ADAM32: variants seen among roughly 807,000 people sequenced by gnomAD.
The protein encoded by ADAM32 is ADAM metallopeptidase domain 32.
Under a neutral mutation model 114.9 loss-of-function variants are expected in ADAM32, and 89 were observed. The observed-to-expected ratio is 0.77, with a 90% CI of 0.65 to 0.92. The LOEUF (loss-of-function observed/expected upper bound fraction) is 0.92, where lower values mean the gene tolerates loss of function less well. Among genes scored for constraint, ADAM32 ranks in the 40% least tolerant of loss-of-function variants. The pLI is 0.00. For missense variants in ADAM32, 870 were observed against 932.8 expected (o/e 0.93, Z 0.88); for synonymous variants, 285 against 307.5 (o/e 0.93, Z 0.77).
At chr8:39,222,737 TA>T (rs1809065226) in intron 13 of ADAM32, among the ~76,000 whole-genome samples, 1 of 152,044 alleles carries the variant, frequency 6.6e-6, no homozygotes, top group Non-Finnish European at 1.5e-5. Flanking sequence ...CCAAAAGAAA[TA>T]AATTTCCTAA....
intron 11 of ADAM32, among the ~76,000 whole-genome samples, chr8:39,210,721 A>G (rs1808150544): frequency 6.6e-6 from 1 of 152,260 alleles, no homozygotes. Flanking sequence ...ATAATAATAT[A>G]TAATTTTGAT....
intron 23 of ADAM32, among the ~76,000 whole-genome samples, 178 bp from the exon 24 acceptor site, chr8:39,283,408 C>T (rs1252243912): frequency 9.0e-6 from 1 of 111,580 alleles, no homozygotes; most frequent in Non-Finnish European, 1.7e-5. Flanking sequence ...GAAACTCCAT[C>T]TCTAAAAAAA....
intron 6 of ADAM32, among the ~76,000 whole-genome samples, chr8:39,153,377 T>C (rs943619289): frequency 6.6e-6 from 1 of 152,198 alleles, no homozygotes; most frequent in Non-Finnish European, 1.5e-5. Context: ...CTTTCTAGTA[T>C]ATTTTTGTGG....
At chr8:39,221,039 T>G (rs1219767646) in intron 12 of ADAM32, 2 of 151,870 alleles carry the variant, frequency 1.3e-5, no homozygotes, top group Admixed American at 6.6e-5. Context: ...AATTTATTCT[T>G]TCTTTCTCTT....
intron 18 of ADAM32, among the ~76,000 whole-genome samples, chr8:39,255,489 G>A (rs1362140137): frequency 6.6e-6 from 1 of 152,026 alleles, no homozygotes; most frequent in African/African-American, 2.4e-5. Flanking sequence ...GTGATGTTGA[G>A]CATTTTTTCA....
At chr8:39,137,748 G>C (rs575930036) in intron 3 of ADAM32, among the ~76,000 whole-genome samples, 2 of 145,626 alleles carry the variant, frequency 1.4e-5, no homozygotes, top group Admixed American at 7.0e-5. Flanking sequence ...GCCAGCCTGG[G>C]TGACAGAGTG....
intron 10 of ADAM32, among the ~76,000 whole-genome samples, chr8:39,180,227 C>T (rs1001099831): frequency 2.0e-5 from 3 of 152,198 alleles, no homozygotes; most frequent in Non-Finnish European, 2.9e-5. Flanking sequence ...CCGGCCCTGC[C>T]GACCCCAGGC....
chr8:39,146,283 A>G (rs1273334566), intron 3 of ADAM32, among the ~76,000 whole-genome samples: 1 of 152,208 alleles, frequency 6.6e-6, no homozygotes, highest in Non-Finnish European at 1.5e-5. Context: ...TGCTCAGATG[A>G]ATATGACCTT....
intron 10 of ADAM32, among the ~76,000 whole-genome samples, chr8:39,179,451 AT>A (rs1344827142): frequency 6.6e-6 from 1 of 152,138 alleles, no homozygotes; most frequent in African/African-American, 2.4e-5. Flanking sequence ...GCATGAATGG[AT>A]CTCCCGCCTG....
chr8:39,256,393 A>G (rs929789922), intron 18 of ADAM32, among the ~76,000 whole-genome samples: 1 of 152,034 alleles, frequency 6.6e-6, no homozygotes, highest in Non-Finnish European at 1.5e-5. Context: ...AATAGAAGAC[A>G]AGATTTTACT....
intron 17 of ADAM32, among the ~76,000 whole-genome samples, chr8:39,252,410 A>G (rs1811362673): frequency 6.6e-6 from 1 of 151,010 alleles, no homozygotes; most frequent in South Asian, 2.1e-4. Flanking sequence ...ACAAACAAAA[A>G]ATGAAAAAAA....
intron 12 of ADAM32, among the ~76,000 whole-genome samples, chr8:39,214,429 T>C (rs1808427647): frequency 6.6e-6 from 1 of 152,198 alleles, no homozygotes; most frequent in Non-Finnish European, 1.5e-5. Flanking sequence ...TGCAATTCTC[T>C]GTTACTCATT....
Position 39,196,275 on chromosome 8 carries a change from T to C in ADAM32, c.1052+9230T>C, listed in dbSNP as rs1585512098. Among the ~76,000 whole-genome samples the C allele has an allele frequency of 2.0e-5, 3 of 152,296 alleles. No individual in the cohort carries two copies. In the South Asian group the frequency reaches 6.2e-4, roughly 32 times the overall value. The stretch of plus-strand genomic sequence containing the variant: ...TGATTTTTCTATATATAAGAGCATG[T>C]CACCTACAAGGAGGGAAAATTTGAC... On this transcript the variant is annotated intron_variant, in intron 11 of 24. Transcript: ENST00000379907.
intron 11 of ADAM32, among the ~76,000 whole-genome samples, chr8:39,187,340 C>T (rs935523321): frequency 3.9e-5 from 6 of 152,178 alleles, no homozygotes; most frequent in Admixed American, 6.5e-5. Flanking sequence ...GGCGCTGTCT[C>T]GGCTCACTGC....
At chr8:39,212,178 G>T (rs959814852) in intron 12 of ADAM32, among the ~76,000 whole-genome samples, 2 of 151,974 alleles carry the variant, frequency 1.3e-5, no homozygotes, top group African/African-American at 4.8e-5. Flanking sequence ...CATCATGCCT[G>T]GCTAAGTTTG....
At chr8:39,248,963 C>T (rs1488530167) in intron 17 of ADAM32, among the ~76,000 whole-genome samples, 1 of 148,292 alleles carries the variant, frequency 6.7e-6, no homozygotes, top group African/African-American at 2.5e-5. Context: ...AGTGCAGTGG[C>T]ATAATCTCGG....
At position 39,172,766 on chromosome 8, in the gene ADAM32, A is replaced by G. The variant is rs562365668; in HGVS notation, c.915+2769A>G. 1.4e-4 allele frequency among the ~76,000 whole-genome samples: 21 copies of G among 152,224 alleles called. No individual in the cohort carries two copies. In the East Asian group the frequency reaches 3.1e-3, roughly 22 times the overall value. On this transcript the variant is annotated intron_variant, in intron 10 of 24. Transcript: ENST00000379907. ...ATTGATGGACATTTGGGTTGATTCC[A>G]TGTCTTTGCTATTGTGACTAGTGCT...
chr8:39,245,212 C>T (rs910102368), intron 16 of ADAM32, among the ~76,000 whole-genome samples: 7 of 152,082 alleles, frequency 4.6e-5, no homozygotes, highest in African/African-American at 9.7e-5. Context: ...GAATGGAAAA[C>T]GTAACATCAT....
chr8:39,284,796 C>T lies in ADAM32; in HGVS notation c.2361C>T (p.Asn787=). The change falls in exon 25 of 25, where the codon AAC becomes AAT. Residue 787 remains asparagine, a synonymous_variant. Coordinates refer to ENST00000379907, the MANE Select transcript of ADAM32 (RefSeq NM_145004.7). ...QDSTQTQSSS[N] ...GTTTTTTTGTTCTCTTCCACAGTAA[C>T]TAGTGATTCCTTCAGAAGGCAACGG... 1 of 1,613,820 alleles carries T rather than the reference C, an allele frequency of 6.2e-7. No homozygotes were observed. The highest frequency in any genetic ancestry group is 8.5e-7 in the Non-Finnish European group (1 of 1,179,800).
Sources: gnomAD v4.1 joint callset for allele counts (sites outside exome capture counted in the v4.1 genomes callset) on GRCh38, gnomAD v4.1.1 for gene constraint, MANE v1.5 for transcripts, NCBI Gene and HGNC (gene_info 2026-07-23, HGNC 2026-07-21) for gene names.